PPM1D: variants seen among roughly 807,000 people sequenced by gnomAD.
PPM1D encodes protein phosphatase, Mg2+/Mn2+ dependent 1D.
In PPM1D, 52 loss-of-function variants were observed where a neutral mutation model predicts 58.3. That is an observed-to-expected ratio of 0.89 (90% CI 0.71 to 1.12). The LOEUF (loss-of-function observed/expected upper bound fraction) is 1.12. Among genes scored for constraint, PPM1D ranks in the 50% most tolerant of loss-of-function variants. The pLI, the probability that PPM1D is intolerant of heterozygous loss-of-function variation, is 0.00. For synonymous variants in PPM1D, 278 were observed against 285.1 expected, an observed-to-expected ratio of 0.98 and a Z score of 0.25; for missense variants, 564 against 777.2, an observed-to-expected ratio of 0.73 and a Z score of 3.26.
intron 3 of PPM1D, among the ~76,000 whole-genome samples, chr17:60,645,304 A>G (rs1452333837): frequency 3.3e-5 from 5 of 152,022 alleles, no homozygotes; most frequent in Non-Finnish European, 7.4e-5. Context: ...CAGTGAGCCA[A>G]GATCGTGCCA....
At chr17:60,619,216 CTT>C (rs375551529) in intron 1 of PPM1D, among the ~76,000 whole-genome samples, 10 of 142,604 alleles carry the variant, frequency 7.0e-5, no homozygotes, top group African/African-American at 7.7e-5. Context: ...GCAGGATTTC[CTT>C]TTTTTTTTTT....
intron 2 of PPM1D, among the ~76,000 whole-genome samples, chr17:60,632,843 T>C (rs1042958912): frequency 2.6e-5 from 4 of 151,856 alleles, no homozygotes; most frequent in African/African-American, 9.7e-5. Flanking sequence ...AGCGTGTGCC[T>C]GTAGTTCCAG....
In PPM1D at chr17:60,606,998, A is replaced by T. The variant is rs1336170391; in HGVS notation, c.472+6112A>T. ...ATGCGCCCAGCTAATTTTTTTTTTT[A>T]ATTTTTTTTTTTTATAGAGACAGGG... On this transcript the variant is annotated intron_variant, in intron 1 of 5. Transcript: ENST00000305921. 1.7e-4 allele frequency among the ~76,000 whole-genome samples: 26 copies of T among 148,808 alleles called. No homozygotes were observed. In the South Asian group the frequency reaches 2.3e-3, roughly 13 times the overall value.
At chr17:60,646,749 A>G (rs2031257165) in intron 3 of PPM1D, among the ~76,000 whole-genome samples, 1 of 152,058 alleles carries the variant, frequency 6.6e-6, no homozygotes, top group Admixed American at 6.6e-5. Flanking sequence ...TGATGTTTGT[A>G]TCTAATAGGT....
chr17:60,650,654 T>G (rs1016114679), intron 4 of PPM1D, among the ~76,000 whole-genome samples: 5 of 152,216 alleles, frequency 3.3e-5, no homozygotes, highest in Non-Finnish European at 7.3e-5. Context: ...CACCTAAATT[T>G]CTAACTCTGG....
At chr17:60,605,721 G>A (rs2030315826) in intron 1 of PPM1D, among the ~76,000 whole-genome samples, 3 of 152,120 alleles carry the variant, frequency 2.0e-5, no homozygotes, top group African/African-American at 4.8e-5. Context: ...TGGCCAACAT[G>A]GTGAAACTCA....
intron 2 of PPM1D, among the ~76,000 whole-genome samples, chr17:60,628,357 G>A (rs1379377150): frequency 6.6e-6 from 1 of 152,096 alleles, no homozygotes; most frequent in Non-Finnish European, 1.5e-5. Flanking sequence ...CTGACATACT[G>A]TTATCACCTG....
chr17:60,610,231 A>G (rs2030427129), intron 1 of PPM1D, among the ~76,000 whole-genome samples: 1 of 151,906 alleles, frequency 6.6e-6, no homozygotes, highest in Non-Finnish European at 1.5e-5. Flanking sequence ...CATAGTGTAT[A>G]TAGGATTTGG....
At chr17:60,611,547 T>G (rs1264017656) in intron 1 of PPM1D, among the ~76,000 whole-genome samples, 3 of 151,844 alleles carry the variant, frequency 2.0e-5, no homozygotes, top group African/African-American at 7.3e-5. Context: ...GCCACTTGAG[T>G]AGCTGGGATT....
intron 4 of PPM1D, 114 bp from the exon 5 acceptor site, chr17:60,656,485 T>A (rs1393225995): frequency 8.3e-5 from 109 of 1,306,926 alleles, no homozygotes; most frequent in African/African-American, 2.7e-4. Context: ...AAAAAAAAAA[T>A]TGGGAGCTTT....
chr17:60,600,344 G>A lies in PPM1D; in HGVS notation c.-71G>A, dbSNP rs1042910707. On this transcript the variant is annotated 5_prime_UTR_variant, in exon 1 of 6. Coordinates refer to ENST00000305921, the MANE Select transcript of PPM1D (RefSeq NM_003620.4). ...AAGATAAACAATAGTTGGCCGGCGA[G>A]CGCCTAGTGTGTCTCCCGCCGCCGG... is the stretch of plus-strand genomic sequence containing the variant. The A allele has an allele frequency of 1.0e-4, 156 of 1,515,742 alleles. No individual in the cohort carries two copies. The highest frequency in any genetic ancestry group is 6.8e-4 in the Middle Eastern group (3 of 4,414). The allele number at this position is 1,515,742 out of a possible 1,614,324, so 93.9% of individuals were successfully genotyped here. A position where few individuals can be genotyped will look rare whatever the true frequency, so the allele number is the denominator to read the frequency against.
At chr17:60,605,073 C>T (rs975439555) in intron 1 of PPM1D, among the ~76,000 whole-genome samples, 1 of 152,094 alleles carries the variant, frequency 6.6e-6, no homozygotes, top group African/African-American at 2.4e-5. Context: ...CCATCTGCCT[C>T]GGCCTCCCAC....
At chr17:60,661,446 T>C (rs774797731) in intron 5 of PPM1D, among the ~76,000 whole-genome samples, 3 of 152,048 alleles carry the variant, frequency 2.0e-5, no homozygotes, top group African/African-American at 2.4e-5. Context: ...AAGACAATGA[T>C]TTTATGAAAT....
Position 60,600,306 on chromosome 17 carries a change from C to T in PPM1D, c.-109C>T. The T allele has an allele frequency of 6.8e-7, 1 of 1,460,696 alleles. No homozygotes were observed. Among genetic ancestry groups the T allele is most frequent in the Non-Finnish European group, 9.0e-7 (1 of 1,113,170 alleles). 90.5% of individuals were successfully genotyped at this position (1,460,696 alleles called of 1,614,324 possible). A position where few individuals can be genotyped will look rare whatever the true frequency, so the allele number is the denominator to read the frequency against. On this transcript the variant is annotated 5_prime_UTR_variant, in exon 1 of 6. Transcript: ENST00000305921. ...TCTCCGGGTCCGCCCCCTCCCCCTTCTCGGCGTCGTCGAAGATAAACAATA... is the reference window on the plus strand; with the variant it reads ...TCTCCGGGTCCGCCCCCTCCCCCTTTTCGGCGTCGTCGAAGATAAACAATA...
chr17:60,648,623 G>A (rs919517586), intron 4 of PPM1D, among the ~76,000 whole-genome samples: 3 of 151,996 alleles, frequency 2.0e-5, no homozygotes, highest in Admixed American at 6.6e-5. Context: ...CTCGTGATCC[G>A]CCTGCCTTGG....
intron 5 of PPM1D, among the ~76,000 whole-genome samples, chr17:60,658,504 C>T (rs545030734): frequency 7.2e-5 from 11 of 151,822 alleles, no homozygotes; most frequent in Non-Finnish European, 1.5e-4. Context: ...CAAAATTAGC[C>T]AGGTGTGGTG....
chr17:60,616,135 C>T (rs1219996885), intron 1 of PPM1D, among the ~76,000 whole-genome samples: 1 of 151,904 alleles, frequency 6.6e-6, no homozygotes, highest in Admixed American at 6.6e-5. Flanking sequence ...CCTCCTGTAA[C>T]TGGGGTTATG....
At chr17:60,626,299 T>A (rs952851247) in intron 2 of PPM1D, among the ~76,000 whole-genome samples, 4 of 152,174 alleles carry the variant, frequency 2.6e-5, no homozygotes, top group Non-Finnish European at 5.9e-5. Flanking sequence ...ACCATCAGTG[T>A]ATGTGGATGT....
Position 60,663,021 on chromosome 17 carries a change from G to C in PPM1D, c.1287G>C (p.Arg429Ser), listed in dbSNP as rs752639113. The change falls in exon 6 of 6, where the codon AGG becomes AGC. Residue 429 changes from arginine to serine, a missense_variant. Arg to Ser is a moderately radical substitution (Grantham distance 110). Transcript: ENST00000305921. ...CACTGGAGGAGGATCCATGGCCAAGGGTGAATTCTAAGGACCATATACCTG... is the reference window on the plus strand; with the variant it reads ...CACTGGAGGAGGATCCATGGCCAAGCGTGAATTCTAAGGACCATATACCTG... ...VKSLEEDPWP[R>S]VNSKDHIPAL... 40 of 1,611,756 alleles carry C rather than the reference G, an allele frequency of 2.5e-5. No homozygotes were observed. In the South Asian group the frequency reaches 3.6e-4, roughly 15 times the overall value.
Sources: allele counts gnomAD v4.1 joint callset (sites outside exome capture counted in the v4.1 genomes callset), GRCh38; gene constraint gnomAD v4.1.1; transcripts MANE v1.5; gene names NCBI Gene and HGNC (gene_info 2026-07-23, HGNC 2026-07-21).